VCAN: variants seen among roughly 807,000 people sequenced by gnomAD.
VCAN encodes the protein versican, also known as versican core protein.
A neutral mutation model predicts 245.5 loss-of-function variants in VCAN; 44 were observed. That is an observed-to-expected ratio of 0.18 (90% CI 0.14 to 0.23). VCAN has a LOEUF of 0.23. VCAN is among the 10% of genes least tolerant of loss of function. VCAN has a pLI of 1.00. For synonymous variants in VCAN, 1,413 were observed against 1,437.0 expected, an observed-to-expected ratio of 0.98 and a Z score of 0.38; for missense variants, 3,793 against 4,057.9, an observed-to-expected ratio of 0.93 and a Z score of 1.77.
intron 1 of VCAN, among the ~76,000 whole-genome samples, chr5:83,476,272 A>G (rs1377364713): frequency 2.0e-5 from 3 of 152,232 alleles, no homozygotes; most frequent in African/African-American, 7.2e-5. Flanking sequence ...TGAGATTTAA[A>G]CATTTTTGTT....
rs1747176710 is a variant in VCAN at position 83,545,593 on chromosome 5, G to A, written c.9322G>A (p.Glu3108Lys). The A allele has an allele frequency of 6.2e-7, 1 of 1,614,006 alleles. No individual in the cohort carries two copies. Among genetic ancestry groups the A allele is most frequent in the African/African-American group, 1.3e-5 (1 of 74,926 alleles). Residue 3108 changes from glutamate (E) to lysine (K), a missense_variant, in exon 9 of 15, where the codon GAA (glutamate) becomes AAA (lysine). Coordinates refer to ENST00000265077, the MANE Select transcript of VCAN (RefSeq NM_004385.5). ...CLNGGTCYPT[E>K]TSYVCTCVPG... The stretch of plus-strand genomic sequence containing the variant: ...TAACGGAGGCACCTGTTATCCTACT[G>A]AAACTTCCTACGTATGCACCTGTGT...
Position 83,519,660 on chromosome 5 carries a change from A to G in VCAN, c.1354A>G (p.Ile452Val). ...SASGPLGKLD[I>V]SEIKEEVLQS... ...TTCAGGACCTCTTGGAAAGCTAGAC[A>G]TATCAGAAATTAAGGAAGAAGTGCT... is the stretch of plus-strand genomic sequence containing the variant. The change falls in exon 7 of 15, where the codon ATA (isoleucine) becomes GTA (valine). Residue 452 changes from isoleucine (I) to valine (V), a missense_variant. By Grantham distance (29) the Ile-to-Val change is conservative. Transcript: ENST00000265077. 6.2e-7 allele frequency: 1 copy of G among 1,614,178 alleles called. No homozygotes were observed.
intron 12 of VCAN, among the ~76,000 whole-genome samples, chr5:83,557,661 G>T (rs1165578070): frequency 6.6e-6 from 1 of 152,046 alleles, no homozygotes; most frequent in Non-Finnish European, 1.5e-5. Context: ...AGTCTAGAAA[G>T]GTCCTAAACG....
intron 5 of VCAN, among the ~76,000 whole-genome samples, chr5:83,494,869 G>A (rs1215174226): frequency 2.6e-5 from 4 of 152,008 alleles, no homozygotes; most frequent in Non-Finnish European, 5.9e-5. Context: ...GTGTGGGGGT[G>A]GGGGGTCCTG....
At chr5:83,474,385 G>A (rs984353807) in intron 1 of VCAN, among the ~76,000 whole-genome samples, 3 of 152,138 alleles carry the variant, frequency 2.0e-5, no homozygotes, top group Non-Finnish European at 4.4e-5. Context: ...CTCGTTTTAG[G>A]ATACTCTTTT....
At chr5:83,548,178 C>T (rs1022333594) in intron 10 of VCAN, 94 bp downstream of exon 10, 7 of 912,112 alleles carry the variant, frequency 7.7e-6, no homozygotes, top group African/African-American at 1.6e-5. Context: ...AGTGGAAATT[C>T]ACATTTCCTT....
At chr5:83,571,010 A>T (rs1748267326) in intron 12 of VCAN, among the ~76,000 whole-genome samples, 1 of 152,164 alleles carries the variant, frequency 6.6e-6, no homozygotes, top group Non-Finnish European at 1.5e-5. Context: ...GGCCCAGAAA[A>T]GACAGTCATA....
At position 83,538,193 on chromosome 5, in the gene VCAN, A is replaced by G. The variant is rs201888251; in HGVS notation, c.5190A>G (p.Gly1730=). Reference sequence around the variant, plus strand: ...AAAAGAAAAGGAAGGAGGAGGAGGGAACTACAGGTACGGCTTCTACATTTG... The same window carrying G: ...AAAAGAAAAGGAAGGAGGAGGAGGGGACTACAGGTACGGCTTCTACATTTG... ...VEEKKRKEEE[G]TTGTASTFEV... The change falls in exon 8 of 15, where the codon GGA becomes GGG. Residue 1730 remains glycine (G), a synonymous_variant. Transcript: ENST00000265077. 178 of 1,613,942 alleles carry G rather than the reference A, an allele frequency of 1.1e-4. No homozygotes were observed. In the East Asian group the frequency reaches 2.9e-3, roughly 26 times the overall value.
At position 83,490,356 on chromosome 5, in the gene VCAN, T is replaced by G. The variant is rs750836310; in HGVS notation, c.329T>G (p.Val110Gly). Reference protein sequence around the residue: ...RVSVPTHPEAVGDASLTVVKL... With the variant: ...RVSVPTHPEAGGDASLTVVKL... Reference sequence around the variant, plus strand: ...TCTGTGCCCACACATCCCGAGGCTGTGGGCGATGCCTCCCTCACTGTGGTC... The same window carrying G: ...TCTGTGCCCACACATCCCGAGGCTGGGGGCGATGCCTCCCTCACTGTGGTC... The change falls in exon 3 of 15, where the codon GTG becomes GGG. Residue 110 changes from valine to glycine, a missense_variant. Coordinates refer to ENST00000265077, the MANE Select transcript of VCAN (RefSeq NM_004385.5). 35 of 1,614,190 alleles carry G rather than the reference T, an allele frequency of 2.2e-5. No individual in the cohort carries two copies. In the East Asian group the frequency reaches 7.8e-4, roughly 36 times the overall value.
Position 83,540,412 on chromosome 5 carries a change from A to T in VCAN, c.7409A>T (p.Glu2470Val). The change falls in exon 8 of 15, where the codon GAG becomes GTG. Residue 2470 changes from glutamate (E) to valine (V), a missense_variant. By Grantham distance (121) the Glu-to-Val change is moderately radical. This residue lies in a region of VCAN where 3,182 missense variants were observed against 3,250.3 expected (regional missense o/e 0.98). Transcript: ENST00000265077. Reference protein sequence around the residue: ...VSDGSLEKHPEVPSAKAVTAD... With the variant: ...VSDGSLEKHPVVPSAKAVTAD... ...GATGGGTCCCTGGAAAAACATCCTG[A>T]GGTGCCAAGCGCTAAAGCTGTTACT... 1 of 1,614,026 alleles carries T rather than the reference A, an allele frequency of 6.2e-7. No individual in the cohort carries two copies. The highest frequency in any genetic ancestry group is 8.5e-7 in the Non-Finnish European group (1 of 1,179,956).
Position 83,541,845 on chromosome 5 carries a change from T to C in VCAN, c.8842T>C (p.Phe2948Leu). Residue 2948 changes from phenylalanine to leucine, a missense_variant, in exon 8 of 15, where the codon TTT (phenylalanine) becomes CTT (leucine). Phe to Leu is a conservative substitution (Grantham distance 22, BLOSUM62 0). Coordinates refer to ENST00000265077, the MANE Select transcript of VCAN (RefSeq NM_004385.5). Reference protein sequence around the residue: ...GQVSGEAIKMFPTIKTPEAGT... With the variant: ...GQVSGEAIKMLPTIKTPEAGT... ...AGTTTCTGGAGAAGCAATCAAGATG[T>C]TTCCCACCATTAAAACACCTGAGGC... 6.2e-7 allele frequency: 1 copy of C among 1,614,102 alleles called. No individual in the cohort carries two copies.
chr5:83,531,203 T>A (rs1383647288), intron 7 of VCAN: 1 of 152,204 alleles, frequency 6.6e-6, no homozygotes, highest in Non-Finnish European at 1.5e-5. Context: ...TATTTCAGTA[T>A]CTATGTCTAT....
At position 83,541,290 on chromosome 5, in the gene VCAN, C is replaced by G; in HGVS notation, c.8287C>G (p.Pro2763Ala). ...AAAACATGCTGGTCCTTCTTTTCAGCCAGAATTCTCTTCAGGAGCTGAGGA... is the reference window on the plus strand; with the variant it reads ...AAAACATGCTGGTCCTTCTTTTCAGGCAGAATTCTCTTCAGGAGCTGAGGA... ...DKKHAGPSFQ[P>A]EFSSGAEEAL... The change falls in exon 8 of 15, where the codon CCA becomes GCA. Residue 2763 changes from proline (P) to alanine (A), a missense_variant. By Grantham distance (27) the Pro-to-Ala change is conservative. This residue lies in a region of VCAN where 3,182 missense variants were observed against 3,250.3 expected (regional missense o/e 0.98). Coordinates refer to ENST00000265077, the MANE Select transcript of VCAN (RefSeq NM_004385.5). The G allele has an allele frequency of 6.2e-7, 1 of 1,614,006 alleles. No individual in the cohort carries two copies. Among genetic ancestry groups the G allele is most frequent in the East Asian group, 2.2e-5 (1 of 44,840 alleles).
chr5:83,509,790 G>A (rs1444783215), intron 5 of VCAN, among the ~76,000 whole-genome samples: 1 of 152,220 alleles, frequency 6.6e-6, no homozygotes, highest in Non-Finnish European at 1.5e-5. Flanking sequence ...AGGCTGTTCA[G>A]GATGACGTAA....
At chr5:83,525,408 A>G (rs310505) in intron 7 of VCAN, among the ~76,000 whole-genome samples, 1 of 152,064 alleles carries the variant, frequency 6.6e-6, no homozygotes, top group Non-Finnish European at 1.5e-5. Flanking sequence ...GATTTTTTTT[A>G]AAAGAGCACT....
intron 12 of VCAN, among the ~76,000 whole-genome samples, chr5:83,557,833 A>G (rs1747730709): frequency 6.6e-6 from 1 of 152,108 alleles, no homozygotes; most frequent in Admixed American, 6.6e-5. Context: ...TTCACTTGAA[A>G]CGTAAGGATT....
chr5:83,560,308 C>A (rs1186952140), intron 12 of VCAN, among the ~76,000 whole-genome samples: 1 of 152,052 alleles, frequency 6.6e-6, no homozygotes, highest in African/African-American at 2.4e-5. Context: ...GGCACATATT[C>A]CGTAGGTATA....
chr5:83,576,227 T>A (rs13156831), intron 13 of VCAN, among the ~76,000 whole-genome samples: 19,341 of 152,094 alleles, frequency 0.13, 1,370 homozygotes, highest in South Asian at 0.27. Flanking sequence ...TTCCCTTGCT[T>A]TTCCCTTTTC....
chr5:83,514,318 C>T (rs1251148406), intron 6 of VCAN, among the ~76,000 whole-genome samples: 1 of 152,044 alleles, frequency 6.6e-6, no homozygotes, highest in East Asian at 1.9e-4. Flanking sequence ...TCATTTAGTG[C>T]GTAGAAGGTT....
Sources: gnomAD v4.1 joint callset for allele counts (sites outside exome capture counted in the v4.1 genomes callset) on GRCh38, gnomAD v4.1.1 for gene constraint, gnomAD v4.1.1 regional missense constraint, MANE v1.5 for transcripts, NCBI Gene and HGNC (gene_info 2026-07-23, HGNC 2026-07-21) for gene names.